The following CHORDC1 variants were observed in gnomAD, a reference collection of about 807,000 sequenced individuals.
The protein encoded by CHORDC1 is cysteine and histidine rich domain containing 1, also known as cysteine and histidine-rich domain-containing protein 1.
A neutral mutation model predicts 48.3 loss-of-function variants in CHORDC1; 25 were observed. That is an observed-to-expected ratio of 0.52 (90% CI 0.38 to 0.72). The LOEUF is 0.72. CHORDC1 is among the 30% of genes least tolerant of loss of function. The pLI, the probability that CHORDC1 is intolerant of heterozygous loss-of-function variation, is 0.00. For missense variants in CHORDC1, 317 were observed against 388.7 expected (o/e 0.82, Z 1.55); for synonymous variants, 128 against 126.4 (o/e 1.01, Z -0.09).
chr11:90,209,773 A>G (rs1427536745), intron 6 of CHORDC1, among the ~76,000 whole-genome samples: 1 of 152,178 alleles, frequency 6.6e-6, no homozygotes, highest in African/African-American at 2.4e-5. Context: ...GGTCTTCCAC[A>G]ATAGCATCCT....
chr11:90,210,441 G>A (rs531531046), intron 6 of CHORDC1, 95 bp downstream of exon 6: 2 of 732,662 alleles, frequency 2.7e-6, no homozygotes, highest in East Asian at 2.6e-5. Context: ...TATATAATAT[G>A]CATGCAAATG....
rs1186955696 is a variant in CHORDC1, at chr11:90,201,168, TA to T, written c.*1236del. The T allele has an allele frequency of 6.6e-6, 1 of 151,976 alleles. No homozygotes were observed. The highest frequency in any genetic ancestry group is 1.5e-5 in the Non-Finnish European group (1 of 67,860). The allele number at this position is 151,976 out of a possible 1,614,324, so 9.4% of individuals were successfully genotyped here. ...CAAATTTTTCTTTGTAAGAATTCCA[TA>T]AATACCAAGGAAAAGAAAAGACTCA... On this transcript the variant is annotated 3_prime_UTR_variant, in exon 11 of 11. Transcript: ENST00000320585.
intron 6 of CHORDC1, chr11:90,206,972 A>G (rs889182697): frequency 2.3e-5 from 8 of 343,884 alleles, no homozygotes; most frequent in Non-Finnish European, 4.0e-5. Flanking sequence ...ATTTCTCCTT[A>G]AGATATTTCA....
chr11:90,210,563 G>T lies in CHORDC1; in HGVS notation c.465C>A (p.Thr155=). ...TTGAACACCCTCCATTCTTACATGA[G>T]GTCCCAATCTTAATTTCATCATTGT... ...EEDNDEIKIG[T]SCKNGGCSKT... Residue 155 remains threonine, a synonymous_variant, in exon 6 of 11, where the codon ACC becomes ACA. Coordinates refer to ENST00000320585, the MANE Select transcript of CHORDC1 (RefSeq NM_012124.3). The T allele has an allele frequency of 1.3e-6, 2 of 1,590,944 alleles. No homozygotes were observed. The highest frequency in any genetic ancestry group is 8.6e-7 in the Non-Finnish European group (1 of 1,161,680).
intron 1 of CHORDC1, among the ~76,000 whole-genome samples, chr11:90,220,321 G>C (rs1858134963): frequency 6.6e-6 from 1 of 152,130 alleles, no homozygotes; most frequent in Admixed American, 6.6e-5. Context: ...AAAGTGTTAG[G>C]TATCTTCCTG....
At chr11:90,219,489 C>G (rs776134912) in intron 1 of CHORDC1, among the ~76,000 whole-genome samples, 6 of 152,216 alleles carry the variant, frequency 3.9e-5, no homozygotes, top group Admixed American at 6.5e-5. Flanking sequence ...ATGCTCGTGA[C>G]GGCTTTGATG....
At chr11:90,210,469 G>A in intron 6 of CHORDC1, 67 bp downstream of exon 6, 2 of 967,530 alleles carry the variant, frequency 2.1e-6, no homozygotes, top group East Asian at 2.4e-5. Context: ...AATTGAGTCA[G>A]CAAACTGCAC....
chr11:90,202,949 A>T (rs1404613413), intron 9 of CHORDC1, 74 bp from the exon 10 acceptor site: 1 of 1,464,152 alleles, frequency 6.8e-7, no homozygotes, highest in African/African-American at 1.4e-5. Flanking sequence ...GATTATAAAA[A>T]TAAGACTGAC....
chr11:90,210,107 G>C (rs970383014), intron 6 of CHORDC1, among the ~76,000 whole-genome samples: 1 of 152,124 alleles, frequency 6.6e-6, no homozygotes, highest in Non-Finnish European at 1.5e-5. Flanking sequence ...GAAGATTTCT[G>C]ATTTAGTGTT....
Position 90,202,325 on chromosome 11 carries a change from A to AAC in CHORDC1, c.*79_*80insGT, listed in dbSNP as rs1857559682. The AAC allele has an allele frequency of 7.4e-7, 1 of 1,352,208 alleles. No homozygotes were observed. Among genetic ancestry groups the AAC allele is most frequent in the Non-Finnish European group, 1.0e-6 (1 of 969,230 alleles). The allele number at this position is 1,352,208 out of a possible 1,614,324, so 83.8% of individuals were successfully genotyped here. On this transcript the variant is annotated 3_prime_UTR_variant, in exon 11 of 11. Coordinates refer to ENST00000320585, the MANE Select transcript of CHORDC1 (RefSeq NM_012124.3). ...ATTCAGTAACACAACAACAAAACAA[A>AAC]AGATTACAGCAGCAAGCCACCACTT...
intron 8 of CHORDC1, among the ~76,000 whole-genome samples, chr11:90,204,006 T>A (rs2135026569): frequency 6.6e-6 from 1 of 151,820 alleles, no homozygotes; most frequent in South Asian, 2.1e-4. Flanking sequence ...CTACCAGTAT[T>A]TTTTTTTATA....
At chr11:90,203,017 A>G (rs1857579757) in intron 9 of CHORDC1, 142 bp from the exon 10 acceptor site, 4 of 1,118,230 alleles carry the variant, frequency 3.6e-6, no homozygotes, top group Non-Finnish European at 4.9e-6. Flanking sequence ...CATATGAGAA[A>G]AGCCACTGAC....
intron 1 of CHORDC1, among the ~76,000 whole-genome samples, chr11:90,219,653 G>T (rs1227346243): frequency 2.6e-5 from 4 of 152,212 alleles, no homozygotes; most frequent in Non-Finnish European, 5.9e-5. Flanking sequence ...TAACTAGCCA[G>T]AGCCCATCCC....
chr11:90,222,230 C>A (rs1858188962), intron 1 of CHORDC1, among the ~76,000 whole-genome samples: 1 of 152,122 alleles, frequency 6.6e-6, no homozygotes, highest in African/African-American at 2.4e-5. Context: ...CGGGAGTAGG[C>A]ATGGTAGTAA....
intron 4 of CHORDC1, chr11:90,213,351 A>G (rs74634939): frequency 3.1e-6 from 2 of 637,816 alleles, no homozygotes; most frequent in Admixed American, 2.7e-5. Context: ...AAAAAAAAAA[A>G]TCACCTTTTT....
chr11:90,206,706 G>A, intron 6 of CHORDC1: 2 of 929,402 alleles, frequency 2.2e-6, no homozygotes, highest in Non-Finnish European at 1.5e-6. Context: ...CTAGAGTGAT[G>A]GTGATTTCTT....
At position 90,202,374 on chromosome 11, in the gene CHORDC1, A is replaced by G; in HGVS notation, c.*31T>C. 1 of 1,603,546 alleles carries G rather than the reference A, an allele frequency of 6.2e-7. No individual in the cohort carries two copies. The highest frequency in any genetic ancestry group is 8.5e-7 in the Non-Finnish European group (1 of 1,173,698). On this transcript the variant is annotated 3_prime_UTR_variant, in exon 11 of 11. Coordinates refer to ENST00000320585, the MANE Select transcript of CHORDC1 (RefSeq NM_012124.3). ...TTCACACAGTATTAAAAATTCGGAAATAATGTAATAGCCTTCCTTCCATCT... is the reference window on the plus strand; with the variant it reads ...TTCACACAGTATTAAAAATTCGGAAGTAATGTAATAGCCTTCCTTCCATCT...
chr11:90,214,021 G>T lies in CHORDC1; in HGVS notation c.326C>A (p.Pro109Gln). The change falls in exon 4 of 11, where the codon CCA becomes CAA. Residue 109 changes from proline (P) to glutamine (Q), a missense_variant. Transcript: ENST00000320585. ...TATGTAACTGTATAAAGTATACCTT[G>T]GTCTTTTTATTGCTTCTACTGGCTT... is the stretch of plus-strand genomic sequence containing the variant. ...APKPVEAIKR[P>Q]SPDEPMTNLE... 1 of 1,610,004 alleles carries T rather than the reference G, an allele frequency of 6.2e-7. No individual in the cohort carries two copies. The highest frequency in any genetic ancestry group is 1.7e-5 in the Admixed American group (1 of 59,386).
intron 4 of CHORDC1, chr11:90,212,479 A>C (rs11018917): frequency 0.43 from 64,852 of 151,880 alleles, 14,341 homozygotes; most frequent in East Asian, 0.59. Flanking sequence ...ATACAGTCAT[A>C]GTAGCATACA....
Sources: gnomAD v4.1 joint callset for allele counts (sites outside exome capture counted in the v4.1 genomes callset) on GRCh38, gnomAD v4.1.1 for gene constraint, MANE v1.5 for transcripts, NCBI Gene and HGNC (gene_info 2026-07-23, HGNC 2026-07-21) for gene names.